Variants in TMEM108 observed in about 807,000 individuals in gnomAD.
TMEM108 encodes the protein cancer/testis antigen 124.
Under a neutral mutation model 35.1 loss-of-function variants are expected in TMEM108, and 12 were observed. The observed-to-expected ratio is 0.34, with a 90% CI of 0.22 to 0.55. The LOEUF (loss-of-function observed/expected upper bound fraction) is 0.55. TMEM108 is among the 20% of genes least tolerant of loss of function. TMEM108 has a pLI of 0.89. For synonymous variants in TMEM108, 287 were observed against 308.6 expected (o/e 0.93, Z 0.73); for missense variants, 680 against 753.3 (o/e 0.90, Z 1.14).
rs1226995608 is a variant in TMEM108 at position 133,206,532 on chromosome 3, T to TAAC, written c.-46-22733_-46-22732insACA. On this transcript the variant is annotated intron_variant, in intron 2 of 5. Coordinates refer to ENST00000321871, the MANE Select transcript of TMEM108 (RefSeq NM_023943.4). The stretch of plus-strand genomic sequence containing the variant: ...GTTGATGCTATTCCTTTCCGTTTGT[T>TAAC]AGTTTTCCTTCTAAGAGTCAGGCCC... Among the ~76,000 whole-genome samples the TAAC allele has an allele frequency of 2.6e-5, 4 of 152,338 alleles. No homozygotes were observed. The South Asian group carries it at 6.2e-4, about 24-fold the overall frequency.
At chr3:133,337,724 A>G (rs2071539235) in intron 3 of TMEM108, among the ~76,000 whole-genome samples, 1 of 152,200 alleles carries the variant, frequency 6.6e-6, no homozygotes, top group South Asian at 2.1e-4. Flanking sequence ...GAAAGGACCA[A>G]TCCTGGAGAA....
At chr3:133,166,759 C>G (rs977082135) in intron 2 of TMEM108, among the ~76,000 whole-genome samples, 1 of 152,174 alleles carries the variant, frequency 6.6e-6, no homozygotes, top group Non-Finnish European at 1.5e-5. Flanking sequence ...AAAGAGTGAG[C>G]AGCAGAAAGA....
chr3:133,246,945 T>A (rs1946395283), intron 3 of TMEM108: 1 of 152,228 alleles, frequency 6.6e-6, no homozygotes. Context: ...TGTCACAGGC[T>A]TCTGTCATGG....
intron 2 of TMEM108, among the ~76,000 whole-genome samples, chr3:133,116,915 G>T (rs529082975): frequency 6.6e-6 from 1 of 152,142 alleles, no homozygotes; most frequent in East Asian, 1.9e-4. Context: ...GACTACGGGC[G>T]TGCACTACCA....
chr3:133,335,858 C>T (rs112814626), intron 3 of TMEM108, among the ~76,000 whole-genome samples: 27 of 152,224 alleles, frequency 1.8e-4, no homozygotes, highest in African/African-American at 5.8e-4. Flanking sequence ...CATCCTCTGC[C>T]GGGAGCTGCA....
chr3:133,161,908 T>G lies in TMEM108; in HGVS notation c.-46-67358T>G, dbSNP rs114975265. Among the ~76,000 whole-genome samples, 1,100 of 152,300 alleles carry G rather than the reference T, an allele frequency of 7.2e-3. 14 individuals carry two copies. Among genetic ancestry groups the G allele is most frequent in the African/African-American group, 0.025 (1,048 of 41,568 alleles). On this transcript the variant is annotated intron_variant, in intron 2 of 5. Coordinates refer to ENST00000321871, the MANE Select transcript of TMEM108 (RefSeq NM_023943.4). ...TCTTCAGGTGCTGTTGTTACCTCGT[T>G]TTTGGCCCCAGTTTCTAAATCAGCA... is the stretch of plus-strand genomic sequence containing the variant.
chr3:133,184,250 A>G (rs1945388412), intron 2 of TMEM108, among the ~76,000 whole-genome samples: 1 of 152,258 alleles, frequency 6.6e-6, no homozygotes, highest in Admixed American at 6.5e-5. Context: ...TTTTTAAAAA[A>G]TGATTAAGGC....
chr3:133,379,617 A>G, intron 3 of TMEM108, 135 bp from the exon 4 acceptor site: 1 of 834,108 alleles, frequency 1.2e-6, no homozygotes, highest in Non-Finnish European at 1.9e-6. Context: ...TCAGTGTAGG[A>G]GCACTAGTGT....
At chr3:133,178,433 A>G (rs1945273293) in intron 2 of TMEM108, among the ~76,000 whole-genome samples, 1 of 151,874 alleles carries the variant, frequency 6.6e-6, no homozygotes, top group South Asian at 2.1e-4. Context: ...AGTAACCAAA[A>G]CAGCATGGTA....
rs923717742 is a variant in TMEM108, at chr3:133,101,436, C to T, written c.-47+55416C>T. ...TGATCCTTCTTACATAGGAATTCAT[C>T]ACATCAGTGGCTCCTCTGTAGCCTT... is the stretch of plus-strand genomic sequence containing the variant. On this transcript the variant is annotated intron_variant, in intron 2 of 5. Transcript: ENST00000321871. 2.2e-4 allele frequency among the ~76,000 whole-genome samples: 33 copies of T among 152,202 alleles called. 1 individual carries two copies. Among genetic ancestry groups the T allele is most frequent in the Non-Finnish European group, 4.4e-5 (3 of 68,026 alleles).
At chr3:133,235,575 G>A (rs866359339) in intron 3 of TMEM108, among the ~76,000 whole-genome samples, 5 of 152,108 alleles carry the variant, frequency 3.3e-5, no homozygotes, top group Non-Finnish European at 5.9e-5. Context: ...GATGTAAAAT[G>A]GGATGTGATC....
At chr3:133,180,629 T>C (rs999172219) in intron 2 of TMEM108, among the ~76,000 whole-genome samples, 6 of 152,188 alleles carry the variant, frequency 3.9e-5, no homozygotes, top group Admixed American at 3.9e-4. Context: ...AATCTTTTTC[T>C]ATACAATGTA....
intron 3 of TMEM108, among the ~76,000 whole-genome samples, chr3:133,348,770 G>C (rs965707102): frequency 3.3e-5 from 5 of 152,188 alleles, no homozygotes; most frequent in African/African-American, 1.2e-4. Flanking sequence ...ATTCGGGAAT[G>C]AGAGCCTAAG....
chr3:133,376,229 C>T (rs1192993479), intron 3 of TMEM108, among the ~76,000 whole-genome samples: 4 of 152,148 alleles, frequency 2.6e-5, no homozygotes, highest in Admixed American at 2.0e-4. Context: ...ATTTTTTTCC[C>T]TGAGTGTTTT....
intron 2 of TMEM108, among the ~76,000 whole-genome samples, chr3:133,170,235 A>C (rs987969636): frequency 2.0e-5 from 3 of 152,222 alleles, no homozygotes; most frequent in African/African-American, 7.2e-5. Context: ...TAGAAAAACT[A>C]ATATTCCCAT....
At chr3:133,275,982 G>T (rs1462388135) in intron 3 of TMEM108, among the ~76,000 whole-genome samples, 4 of 152,146 alleles carry the variant, frequency 2.6e-5, no homozygotes, top group Admixed American at 1.3e-4. Flanking sequence ...CCTTTGACTA[G>T]CCATGGACGT....
chr3:133,119,905 A>G (rs898093364), intron 2 of TMEM108, among the ~76,000 whole-genome samples: 6 of 152,234 alleles, frequency 3.9e-5, no homozygotes, highest in East Asian at 1.9e-4. Context: ...TTTGAAAAAG[A>G]TTTTCTATTT....
chr3:133,068,774 T>C (rs1394102185), intron 2 of TMEM108, among the ~76,000 whole-genome samples: 1 of 152,128 alleles, frequency 6.6e-6, no homozygotes, highest in Non-Finnish European at 1.5e-5. Flanking sequence ...AAGTTGTTCA[T>C]AATCATTTGG....
At chr3:133,294,845 G>A (rs1398760) in intron 3 of TMEM108, among the ~76,000 whole-genome samples, 1 of 152,146 alleles carries the variant, frequency 6.6e-6, no homozygotes, top group Non-Finnish European at 1.5e-5. Context: ...ATTTCCTGAA[G>A]AATTTTTAAT....
Sources: gnomAD v4.1 joint callset for allele counts (sites outside exome capture counted in the v4.1 genomes callset) on GRCh38, gnomAD v4.1.1 for gene constraint, MANE v1.5 for transcripts, NCBI Gene and HGNC (gene_info 2026-07-23, HGNC 2026-07-21) for gene names.